The following PARD3B variants were observed in gnomAD, a reference collection of about 807,000 sequenced individuals.
The protein encoded by PARD3B is partitioning defective 3 homolog B.
Under a neutral mutation model 130.2 loss-of-function variants are expected in PARD3B, and 103 were observed. The observed-to-expected ratio is 0.79, with a 90% confidence interval of 0.67 to 0.93. The LOEUF is 0.93. Among genes scored for constraint, PARD3B ranks in the 40% least tolerant of loss-of-function variants. The probability of loss-of-function intolerance (pLI) is 0.00; values close to 1 mark genes in which losing one functional copy is unlikely to be tolerated. For synonymous variants in PARD3B, 583 were observed against 553.2 expected (o/e 1.05, Z -0.76); for missense variants, 1,609 against 1,499.2 (o/e 1.07, Z -1.21).
intron 2 of PARD3B, among the ~76,000 whole-genome samples, chr2:204,764,497 G>A (rs971418297): frequency 2.0e-5 from 3 of 152,160 alleles, no homozygotes; most frequent in African/African-American, 7.2e-5. Context: ...GAATTTTACC[G>A]AGGACCCACC....
chr2:205,043,064 G>C (rs779424419), intron 3 of PARD3B, among the ~76,000 whole-genome samples: 1 of 151,498 alleles, frequency 6.6e-6, no homozygotes, highest in Non-Finnish European at 1.5e-5. Context: ...TTCTTAATTA[G>C]CTGAAAAAAA....
intron 2 of PARD3B, among the ~76,000 whole-genome samples, chr2:204,910,017 A>G (rs1285909065): frequency 6.6e-6 from 1 of 152,154 alleles, no homozygotes; most frequent in Non-Finnish European, 1.5e-5. Context: ...TAAGCTGTTT[A>G]GATGATTAGA....
At chr2:204,643,670 G>C (rs998244003) in intron 1 of PARD3B, among the ~76,000 whole-genome samples, 4 of 152,052 alleles carry the variant, frequency 2.6e-5, no homozygotes, top group Non-Finnish European at 5.9e-5. Context: ...TGGCTACACT[G>C]GGCCACACTG....
Position 205,150,781 on chromosome 2 carries a change from G to T in PARD3B, c.1435-7941G>T, listed in dbSNP as rs180818990. Among the ~76,000 whole-genome samples the T allele has an allele frequency of 2.6e-5, 4 of 152,298 alleles. No homozygotes were observed. The East Asian group carries it at 7.7e-4, about 29-fold the overall frequency. ...ACAAAAGTTGAGACACAAGGATACA[G>T]TATAGTATGGCAGTGAAGAGTCTGA... On this transcript the variant is annotated intron_variant, in intron 10 of 22. Coordinates refer to ENST00000406610, the MANE Select transcript of PARD3B (RefSeq NM_001302769.2).
chr2:205,158,252 A>T lies in PARD3B; in HGVS notation c.1435-470A>T, dbSNP rs1266697032. Among the ~76,000 whole-genome samples the T allele has an allele frequency of 6.6e-6, 1 of 152,166 alleles. No individual in the cohort carries two copies. The highest frequency in any genetic ancestry group is 2.4e-5 in the African/African-American group (1 of 41,438). On this transcript the variant is annotated intron_variant, in intron 10 of 22. Transcript: ENST00000406610. The surrounding 1 kb of genome is among the most constrained non-coding windows in gnomAD (Gnocchi z 5.4). ...GTTTCCATAGTAAATGATATGTTTTAAATTATATATGCCCCATATTTTCCT... is the reference window on the plus strand; with the variant it reads ...GTTTCCATAGTAAATGATATGTTTTTAATTATATATGCCCCATATTTTCCT...
intron 2 of PARD3B, among the ~76,000 whole-genome samples, chr2:204,753,864 C>T (rs1273419623): frequency 6.6e-6 from 1 of 151,950 alleles, no homozygotes; most frequent in Non-Finnish European, 1.5e-5. Flanking sequence ...ATCAGCTGGG[C>T]AACGTAGTAA....
rs2046016923 is a variant in PARD3B at position 204,880,781 on chromosome 2, A to G, written c.223-84371A>G. ...TTTGCATGGACAGGATATCTGGTCT[A>G]ACTACTCTAAAAAATTGCATAACCC... On this transcript the variant is annotated intron_variant, in intron 2 of 22. Coordinates refer to ENST00000406610, the MANE Select transcript of PARD3B (RefSeq NM_001302769.2). Among the ~76,000 whole-genome samples, 3 of 152,272 alleles carry G rather than the reference A, an allele frequency of 2.0e-5. No homozygotes were observed. The South Asian group carries it at 6.2e-4, about 32-fold the overall frequency.
Position 205,164,183 on chromosome 2 carries a change from A to G in PARD3B, c.1620+5276A>G, listed in dbSNP as rs1414943394. On this transcript the variant is annotated intron_variant, in intron 11 of 22. Coordinates refer to ENST00000406610, the MANE Select transcript of PARD3B (RefSeq NM_001302769.2). ...TTATTAATTTAAGCCTAGGAAAAAT[A>G]CATTTTAGCTAATTTTCCGTTTTAA... 5.9e-5 allele frequency among the ~76,000 whole-genome samples: 9 copies of G among 152,240 alleles called. No homozygotes were observed. The East Asian group carries it at 1.7e-3, about 29-fold the overall frequency.
At chr2:205,162,271 A>T (rs2034549193) in intron 11 of PARD3B, among the ~76,000 whole-genome samples, 1 of 152,344 alleles carries the variant, frequency 6.6e-6, no homozygotes, top group South Asian at 2.1e-4. Context: ...TCAAGTCTGT[A>T]CATTAAGAAA....
chr2:204,901,066 C>T (rs532292542), intron 2 of PARD3B, among the ~76,000 whole-genome samples: 17 of 152,156 alleles, frequency 1.1e-4, no homozygotes, highest in Non-Finnish European at 1.9e-4. Flanking sequence ...ACTGGGACTG[C>T]GCTGGGTCTT....
intron 15 of PARD3B, among the ~76,000 whole-genome samples, chr2:205,217,862 GTGTGTGTATATA>G (rs1251580416): frequency 4.1e-4 from 32 of 78,820 alleles, no homozygotes; most frequent in African/African-American, 1.3e-3. Flanking sequence ...GTGTGTGTGT[GTGTGTGTATATA>G]TATATATATA....
intron 6 of PARD3B, among the ~76,000 whole-genome samples, chr2:205,115,154 T>A (rs1169414416): frequency 6.6e-6 from 1 of 152,126 alleles, no homozygotes; most frequent in African/African-American, 2.4e-5. Context: ...AACAAGCTGA[T>A]CCTATAGATC....
At chr2:204,842,218 C>T (rs1463232861) in intron 2 of PARD3B, among the ~76,000 whole-genome samples, 4 of 152,026 alleles carry the variant, frequency 2.6e-5, no homozygotes, top group African/African-American at 9.7e-5. Context: ...GTCTTTCAAG[C>T]CTTTCTCTAA....
At position 205,589,925 on chromosome 2, in the gene PARD3B, C is replaced by G. The variant is rs1443110161; in HGVS notation, c.3261-25531C>G. Among the ~76,000 whole-genome samples, 2 of 152,058 alleles carry G rather than the reference C, an allele frequency of 1.3e-5. No individual in the cohort carries two copies. Among genetic ancestry groups the G allele is most frequent in the Non-Finnish European group, 2.9e-5 (2 of 68,008 alleles). On this transcript the variant is annotated intron_variant, in intron 22 of 22. Transcript: ENST00000406610. The surrounding 1 kb of genome is among the most constrained non-coding windows in gnomAD (Gnocchi z 4.1). ...TTCTAGGTCTTTTGCTTTTCATTTT[C>G]TCTACCCTGGAAATGTTGAAAGCTG...
At chr2:204,710,725 T>C (rs1022881622) in intron 2 of PARD3B, among the ~76,000 whole-genome samples, 4 of 152,236 alleles carry the variant, frequency 2.6e-5, no homozygotes, top group African/African-American at 9.6e-5. Context: ...GAAACTTACA[T>C]AGATTCTTGT....
intron 1 of PARD3B, among the ~76,000 whole-genome samples, chr2:204,622,019 G>C (rs565885769): frequency 6.6e-6 from 1 of 152,242 alleles, no homozygotes; most frequent in African/African-American, 2.4e-5. Context: ...AGGGGGTGAG[G>C]GGCAGAGGGT....
chr2:205,500,036 G>C lies in PARD3B; in HGVS notation c.3180+5G>C, dbSNP rs754608029. On this transcript the variant is annotated splice_donor_5th_base_variant and intron_variant, in intron 21 of 22. Coordinates refer to ENST00000406610, the MANE Select transcript of PARD3B (RefSeq NM_001302769.2). ...TCTGAGTATGACCTACTCTGGGTAA[G>C]CGCATGCATGATTTCAATCGTTGAA... The C allele has an allele frequency of 6.2e-7, 1 of 1,610,528 alleles. No homozygotes were observed. The highest frequency in any genetic ancestry group is 8.5e-7 in the Non-Finnish European group (1 of 1,178,772).
At chr2:204,599,700 C>T (rs991693350) in intron 1 of PARD3B, among the ~76,000 whole-genome samples, 1 of 151,748 alleles carries the variant, frequency 6.6e-6, no homozygotes, top group African/African-American at 2.4e-5. Context: ...TTGGTAAATG[C>T]CCAATAGTGA....
intron 3 of PARD3B, among the ~76,000 whole-genome samples, chr2:204,966,512 G>C (rs1691266795): frequency 6.6e-6 from 1 of 152,064 alleles, no homozygotes; most frequent in Admixed American, 6.6e-5. Flanking sequence ...TGGTATGAGA[G>C]GAAAATTAGG....
Sources: allele counts gnomAD v4.1 joint callset (sites outside exome capture counted in the v4.1 genomes callset), GRCh38; gene constraint gnomAD v4.1.1; non-coding constraint Gnocchi (gnomAD v3.1); transcripts MANE v1.5; gene names NCBI Gene and HGNC (gene_info 2026-07-23, HGNC 2026-07-21).